Variants in FSIP1 observed in about 807,000 individuals in gnomAD.
FSIP1 encodes fibrous sheath interacting protein 1.
FSIP1 carries 65 observed loss-of-function variants against 60.9 expected under a neutral mutation model. That is an observed-to-expected ratio of 1.07 (90% CI 0.87 to 1.31). The LOEUF (loss-of-function observed/expected upper bound fraction) is 1.31, where lower values mean the gene tolerates loss of function less well. FSIP1 is among the 40% of genes most tolerant of loss of function. FSIP1 has a pLI of 0.00. For missense variants in FSIP1, 675 were observed against 665.5 expected (o/e 1.01, Z -0.16); for synonymous variants, 209 against 221.2 (o/e 0.94, Z 0.49).
intron 5 of FSIP1, among the ~76,000 whole-genome samples, chr15:39,758,725 T>C (rs1897383870): frequency 6.6e-6 from 1 of 152,026 alleles, no homozygotes; most frequent in African/African-American, 2.4e-5. Flanking sequence ...TAGTCATTGC[T>C]AAACTCAGAA....
intron 10 of FSIP1, among the ~76,000 whole-genome samples, chr15:39,627,996 G>C (rs1438439581): frequency 3.3e-5 from 5 of 152,224 alleles, no homozygotes; most frequent in African/African-American, 9.7e-5. Flanking sequence ...AGCCTCTGCA[G>C]ACTGTCAACA....
At chr15:39,661,507 A>G (rs1209777185) in intron 10 of FSIP1, among the ~76,000 whole-genome samples, 1 of 152,232 alleles carries the variant, frequency 6.6e-6, no homozygotes, top group East Asian at 1.9e-4. Context: ...AAAAAATATG[A>G]ATTATATGAA....
chr15:39,644,738 GA>G (rs1223501241), intron 10 of FSIP1, among the ~76,000 whole-genome samples: 2 of 151,964 alleles, frequency 1.3e-5, no homozygotes, highest in African/African-American at 4.8e-5. Flanking sequence ...ACTTAGCCAA[GA>G]GGATTTTTTG....
chr15:39,629,140 C>T (rs1351312026), intron 10 of FSIP1, among the ~76,000 whole-genome samples: 2 of 152,050 alleles, frequency 1.3e-5, no homozygotes, highest in East Asian at 1.9e-4. Context: ...GCTTTATGGA[C>T]GATCTCACAA....
chr15:39,629,094 T>C (rs1482392236), intron 10 of FSIP1, among the ~76,000 whole-genome samples: 2 of 152,144 alleles, frequency 1.3e-5, no homozygotes, highest in Non-Finnish European at 2.9e-5. Flanking sequence ...AACTGGCCCC[T>C]ACTTTTGAAG....
At chr15:39,639,030 C>T (rs184782351) in intron 10 of FSIP1, among the ~76,000 whole-genome samples, 4 of 151,894 alleles carry the variant, frequency 2.6e-5, no homozygotes, top group South Asian at 2.1e-4. Context: ...TCTATGATAT[C>T]GGAGATATAT....
At chr15:39,737,505 G>T (rs1169719753) in intron 8 of FSIP1, among the ~76,000 whole-genome samples, 1 of 152,144 alleles carries the variant, frequency 6.6e-6, no homozygotes, top group Non-Finnish European at 1.5e-5. Flanking sequence ...TATGTCATCA[G>T]TAATAAGCAC....
intron 10 of FSIP1, among the ~76,000 whole-genome samples, chr15:39,655,025 T>A (rs1038026274): frequency 6.6e-6 from 1 of 152,248 alleles, no homozygotes; most frequent in African/African-American, 2.4e-5. Context: ...TTGCTTGAGC[T>A]GGCATTCTCT....
At chr15:39,751,918 T>A (rs1224623750) in intron 5 of FSIP1, among the ~76,000 whole-genome samples, 1 of 151,976 alleles carries the variant, frequency 6.6e-6, no homozygotes, top group Admixed American at 6.6e-5. Flanking sequence ...TATTTATAGA[T>A]ATATGTATCT....
chr15:39,630,403 C>T (rs1891833195), intron 10 of FSIP1, among the ~76,000 whole-genome samples: 1 of 152,168 alleles, frequency 6.6e-6, no homozygotes, highest in Non-Finnish European at 1.5e-5. Context: ...AAATAGTTTC[C>T]CTTTCACACA....
At chr15:39,729,581 G>C (rs1173145522) in intron 8 of FSIP1, among the ~76,000 whole-genome samples, 1 of 149,768 alleles carries the variant, frequency 6.7e-6, no homozygotes, top group Admixed American at 6.6e-5. Context: ...CTTAAGGAGA[G>C]AAAAAAAAAG....
chr15:39,776,298 T>C, intron 2 of FSIP1, 101 bp downstream of exon 2: 1 of 1,152,966 alleles, frequency 8.7e-7, no homozygotes, highest in Non-Finnish European at 1.2e-6. Context: ...ACACACCGTC[T>C]AAGGAGAAAA....
chr15:39,652,544 A>G (rs1427497870), intron 10 of FSIP1, among the ~76,000 whole-genome samples: 2 of 152,176 alleles, frequency 1.3e-5, no homozygotes, highest in Non-Finnish European at 2.9e-5. Flanking sequence ...CTACCTAAAC[A>G]TTTCTTTCCA....
rs554331622 is a variant in FSIP1 at position 39,777,236 on chromosome 15, C to G, written c.-7-705G>C. Among the ~76,000 whole-genome samples the G allele has an allele frequency of 1.3e-4, 20 of 152,040 alleles. No homozygotes were observed. In the South Asian group the frequency reaches 4.2e-3, roughly 32 times the overall value. On this transcript the variant is annotated intron_variant, in intron 1 of 11. Transcript: ENST00000350221. The stretch of plus-strand genomic sequence containing the variant: ...TTCTTTCGGTTTTGCCTTCTTTTTT[C>G]TAGCCTTGTCCACTCTAGTTCAGCC...
At chr15:39,641,749 C>T (rs1257308705) in intron 10 of FSIP1, among the ~76,000 whole-genome samples, 1 of 152,148 alleles carries the variant, frequency 6.6e-6, no homozygotes, top group Non-Finnish European at 1.5e-5. Context: ...CTTCCTATGT[C>T]ATAACAAAAC....
At chr15:39,601,805 G>A (rs910108676) in intron 11 of FSIP1, among the ~76,000 whole-genome samples, 7 of 152,208 alleles carry the variant, frequency 4.6e-5, no homozygotes, top group African/African-American at 1.4e-4. Context: ...AAGGCCATAT[G>A]CCGTATGATT....
At chr15:39,659,493 G>A (rs1364063365) in intron 10 of FSIP1, among the ~76,000 whole-genome samples, 2 of 150,364 alleles carry the variant, frequency 1.3e-5, no homozygotes, top group East Asian at 3.9e-4. Context: ...AGTGAGCCGA[G>A]ATCGTGCCAC....
At chr15:39,643,212 T>G (rs992836576) in intron 10 of FSIP1, among the ~76,000 whole-genome samples, 4 of 152,198 alleles carry the variant, frequency 2.6e-5, no homozygotes, top group African/African-American at 9.7e-5. Flanking sequence ...ACATATGAAG[T>G]GGCTGCTATT....
At chr15:39,672,600 C>T (rs553025399) in intron 10 of FSIP1, among the ~76,000 whole-genome samples, 44 of 152,110 alleles carry the variant, frequency 2.9e-4, no homozygotes, top group Admixed American at 2.7e-3. Context: ...CTTGGAAATG[C>T]AAAAATTAAT....
Sources: allele counts gnomAD v4.1 joint callset (sites outside exome capture counted in the v4.1 genomes callset), GRCh38; gene constraint gnomAD v4.1.1; transcripts MANE v1.5; gene names NCBI Gene and HGNC (gene_info 2026-07-23, HGNC 2026-07-21).